TECRL: variants seen among roughly 807,000 people sequenced by gnomAD.
The protein encoded by TECRL is trans-2,3-enoyl-CoA reductase like.
Under a neutral mutation model 52.8 loss-of-function variants are expected in TECRL, and 63 were observed. That is an observed-to-expected ratio of 1.19 (90% confidence interval 0.97 to 1.47). TECRL has a LOEUF of 1.47. Ranked by LOEUF, TECRL falls within the 40% of genes most tolerant of loss-of-function variation. TECRL has a pLI of 0.00. For synonymous variants in TECRL, 164 were observed against 141.9 expected (o/e 1.16, Z -1.10); for missense variants, 482 against 429.6 (o/e 1.12, Z -1.08).
At chr4:64,310,460 TC>T (rs1724608347) in intron 5 of TECRL, among the ~76,000 whole-genome samples, 2 of 152,194 alleles carry the variant, frequency 1.3e-5, no homozygotes, top group African/African-American at 4.8e-5. Flanking sequence ...GTTTGTTTTT[TC>T]CTATCTAATT....
At chr4:64,283,797 T>C (rs539754346) in intron 9 of TECRL, among the ~76,000 whole-genome samples, 1 of 152,236 alleles carries the variant, frequency 6.6e-6, no homozygotes, top group East Asian at 1.9e-4. Flanking sequence ...TATCTAGGTT[T>C]TCATAAATTC....
chr4:64,280,413 A>G (rs917443069), intron 11 of TECRL, among the ~76,000 whole-genome samples: 4 of 152,128 alleles, frequency 2.6e-5, no homozygotes, highest in Admixed American at 6.6e-5. Flanking sequence ...ATTAAAAATG[A>G]ATCTACATAT....
intron 8 of TECRL, among the ~76,000 whole-genome samples, chr4:64,292,324 A>T (rs974011462): frequency 6.6e-6 from 1 of 152,022 alleles, no homozygotes; most frequent in African/African-American, 2.4e-5. Context: ...GCTATGAAGA[A>T]GTTTGATTTT....
At chr4:64,288,800 A>G (rs1435348360) in intron 9 of TECRL, among the ~76,000 whole-genome samples, 1 of 152,164 alleles carries the variant, frequency 6.6e-6, no homozygotes, top group Non-Finnish European at 1.5e-5. Flanking sequence ...ATGCATTGAA[A>G]ACTGCAATGT....
At chr4:64,352,005 A>G (rs1404657352) in intron 2 of TECRL, among the ~76,000 whole-genome samples, 1 of 152,180 alleles carries the variant, frequency 6.6e-6, no homozygotes, top group Non-Finnish European at 1.5e-5. Context: ...TAGCCCTGAA[A>G]AGAAAAATTG....
intron 8 of TECRL, among the ~76,000 whole-genome samples, chr4:64,293,533 T>C (rs955705799): frequency 6.6e-6 from 1 of 152,176 alleles, no homozygotes; most frequent in Non-Finnish European, 1.5e-5. Flanking sequence ...TGCTCATCTT[T>C]TACTGTTAAG....
In TECRL at chr4:64,367,596, G is replaced by A. The variant is rs183151258; in HGVS notation, c.286+7576C>T. 2.6e-5 allele frequency among the ~76,000 whole-genome samples: 4 copies of A among 152,120 alleles called. No individual in the cohort carries two copies. In the East Asian group the frequency reaches 7.7e-4, roughly 29 times the overall value. Reference sequence around the variant, plus strand: ...ATATACAGCGAAATAAATTTGACCAGTATTTTATTGCAATCACACTGAGTA... The same window carrying A: ...ATATACAGCGAAATAAATTTGACCAATATTTTATTGCAATCACACTGAGTA... On this transcript the variant is annotated intron_variant, in intron 2 of 11. Transcript: ENST00000381210.
intron 2 of TECRL, among the ~76,000 whole-genome samples, chr4:64,367,651 T>G (rs1348508128): frequency 5.0e-5 from 4 of 79,694 alleles, no homozygotes; most frequent in African/African-American, 1.1e-4. Flanking sequence ...TAAGAAATTT[T>G]TTGTTACCAA....
chr4:64,321,282 A>T (rs1337418760), intron 4 of TECRL, among the ~76,000 whole-genome samples: 2 of 152,034 alleles, frequency 1.3e-5, no homozygotes, highest in Non-Finnish European at 2.9e-5. Context: ...AAAATTAACA[A>T]ATATTAATGT....
At chr4:64,344,486 T>A (rs1345256784) in intron 2 of TECRL, among the ~76,000 whole-genome samples, 1 of 152,054 alleles carries the variant, frequency 6.6e-6, no homozygotes, top group Non-Finnish European at 1.5e-5. Flanking sequence ...GCATCTGGAG[T>A]TATTTGCATT....
chr4:64,326,952 CT>C (rs1560501872), intron 3 of TECRL, among the ~76,000 whole-genome samples: 3 of 151,904 alleles, frequency 2.0e-5, no homozygotes, highest in African/African-American at 7.3e-5. Flanking sequence ...TTTTTTTCTT[CT>C]TAATATTAAT....
intron 2 of TECRL, among the ~76,000 whole-genome samples, chr4:64,332,138 T>A (rs2110052926): frequency 6.6e-6 from 1 of 152,292 alleles, no homozygotes; most frequent in African/African-American, 2.4e-5. Context: ...TAAGGGTATC[T>A]GTTTATATTG....
At chr4:64,286,691 A>G (rs1560470782) in intron 9 of TECRL, among the ~76,000 whole-genome samples, 1 of 152,120 alleles carries the variant, frequency 6.6e-6, no homozygotes, top group Non-Finnish European at 1.5e-5. Flanking sequence ...ATCATTTGAC[A>G]AAGGAGAGAG....
At chr4:64,369,492 T>C (rs1051605475) in intron 2 of TECRL, among the ~76,000 whole-genome samples, 2 of 152,118 alleles carry the variant, frequency 1.3e-5, no homozygotes, top group African/African-American at 4.8e-5. Context: ...TAAGGATTAA[T>C]AAATAACCTT....
chr4:64,376,402 T>A (rs1283761124), intron 1 of TECRL, among the ~76,000 whole-genome samples: 1 of 151,940 alleles, frequency 6.6e-6, no homozygotes, highest in African/African-American at 2.4e-5. Flanking sequence ...TATAAATATT[T>A]CATGGCAATG....
chr4:64,335,797 G>A lies in TECRL; in HGVS notation c.287-7241C>T, dbSNP rs1719033088. ...TTAGGAGTCCTTTTTCTTATTAAAT[G>A]CTGCTTCAAAAATATTTGTTTTCTT... On this transcript the variant is annotated intron_variant, in intron 2 of 11. Transcript: ENST00000381210. Among the ~76,000 whole-genome samples the A allele has an allele frequency of 1.3e-5, 2 of 151,096 alleles. 1 individual carries two copies. Among genetic ancestry groups the A allele is most frequent in the South Asian group, 4.2e-4 (2 of 4,818 alleles).
At chr4:64,340,559 C>T (rs1388107507) in intron 2 of TECRL, among the ~76,000 whole-genome samples, 6 of 152,248 alleles carry the variant, frequency 3.9e-5, no homozygotes, top group Non-Finnish European at 5.9e-5. Context: ...GCTGCTCTAG[C>T]CCCCTCTGGA....
chr4:64,293,517 T>C (rs1432695465), intron 8 of TECRL, among the ~76,000 whole-genome samples: 2 of 152,168 alleles, frequency 1.3e-5, no homozygotes, highest in Admixed American at 1.3e-4. Flanking sequence ...ATTTCAGCAA[T>C]AAAGTTGCTC....
intron 5 of TECRL, among the ~76,000 whole-genome samples, chr4:64,310,757 T>A (rs1716929791): frequency 6.6e-6 from 1 of 152,218 alleles, no homozygotes; most frequent in Non-Finnish European, 1.5e-5. Flanking sequence ...AGACAGGATC[T>A]TGCTGTGTTG....
Sources: gnomAD v4.1 joint callset for allele counts (sites outside exome capture counted in the v4.1 genomes callset) on GRCh38, gnomAD v4.1.1 for gene constraint, MANE v1.5 for transcripts, NCBI Gene and HGNC (gene_info 2026-07-23, HGNC 2026-07-21) for gene names.